The following KIAA1217 variants were observed in gnomAD, a reference collection of about 807,000 sequenced individuals.
The protein encoded by KIAA1217 is KIAA1217.
KIAA1217 carries 88 observed loss-of-function variants against 163.9 expected under a neutral mutation model. That is an observed-to-expected ratio of 0.54 (90% CI 0.45 to 0.64). KIAA1217 has a LOEUF of 0.64. Ranked by LOEUF, KIAA1217 falls within the 30% of genes least tolerant of loss-of-function variation. The probability of loss-of-function intolerance (pLI) is 0.00; values close to 1 mark genes in which losing one functional copy is unlikely to be tolerated. For missense variants in KIAA1217, 2,372 were observed against 2,475.0 expected, an observed-to-expected ratio of 0.96 and a Z score of 0.88; for synonymous variants, 903 against 923.1, an observed-to-expected ratio of 0.98 and a Z score of 0.39.
chr10:23,748,458 A>G (rs1014035534), intron 1 of KIAA1217, among the ~76,000 whole-genome samples: 3 of 137,268 alleles, frequency 2.2e-5, no homozygotes, highest in African/African-American at 8.6e-5. Context: ...GGAAGGAAGG[A>G]AGCAAGGAAG....
At chr10:24,392,726 ATT>A (rs1348310546) in intron 3 of KIAA1217, among the ~76,000 whole-genome samples, 1 of 152,214 alleles carries the variant, frequency 6.6e-6, no homozygotes, top group Non-Finnish European at 1.5e-5. Context: ...GACATTGGAA[ATT>A]TATGGATTCA....
chr10:23,939,906 A>G (rs1312095053), intron 1 of KIAA1217, among the ~76,000 whole-genome samples: 1 of 150,172 alleles, frequency 6.7e-6, no homozygotes, highest in East Asian at 1.9e-4. Flanking sequence ...ATTAAATATT[A>G]ATATTTACTG....
chr10:24,497,214 C>T (rs1400496796), intron 8 of KIAA1217, among the ~76,000 whole-genome samples: 1 of 152,090 alleles, frequency 6.6e-6, no homozygotes, highest in Admixed American at 6.6e-5. Flanking sequence ...ACTCATCTGG[C>T]CAAGAGTAAA....
At position 24,227,034 on chromosome 10, in the gene KIAA1217, G is replaced by A. The variant is rs941891986; in HGVS notation, c.354+7125G>A. ...AGAATCTACTCTGTGGTTTCAGTTA[G>A]TCTATGTGGATTCTTTTATCTGATG... On this transcript the variant is annotated intron_variant, in intron 2 of 20. Transcript: ENST00000376454. Among the ~76,000 whole-genome samples the A allele has an allele frequency of 2.0e-5, 3 of 152,190 alleles. No individual in the cohort carries two copies. In the East Asian group the frequency reaches 5.8e-4, roughly 29 times the overall value.
intron 2 of KIAA1217, among the ~76,000 whole-genome samples, chr10:24,025,778 A>G (rs1483815151): frequency 6.6e-6 from 1 of 151,818 alleles, no homozygotes; most frequent in African/African-American, 2.4e-5. Flanking sequence ...ACTATTCTAA[A>G]TGGTAATTTT....
In KIAA1217 at chr10:24,303,584, A is replaced by G. The variant is rs117052866; in HGVS notation, c.355-77285A>G. 5.7e-3 allele frequency among the ~76,000 whole-genome samples: 871 copies of G among 152,322 alleles called. 4 individuals are homozygous for G. The highest frequency in any genetic ancestry group is 0.027 in the Middle Eastern group (8 of 294). Reference sequence around the variant, plus strand: ...AGAAACAAGGTTTGTGCCCTCGGCAACTGGAGGAGGATTCCTGATGTCATT... The same window carrying G: ...AGAAACAAGGTTTGTGCCCTCGGCAGCTGGAGGAGGATTCCTGATGTCATT... On this transcript the variant is annotated intron_variant, in intron 2 of 20. Transcript: ENST00000376454.
intron 2 of KIAA1217, among the ~76,000 whole-genome samples, chr10:24,347,538 T>C (rs2047939688): frequency 1.3e-5 from 2 of 152,206 alleles, no homozygotes; most frequent in Non-Finnish European, 2.9e-5. Context: ...GATTAATTGT[T>C]GGGATTATAC....
chr10:24,468,794 A>C (rs907023389), intron 5 of KIAA1217, among the ~76,000 whole-genome samples: 1 of 152,216 alleles, frequency 6.6e-6, no homozygotes, highest in Non-Finnish European at 1.5e-5. Flanking sequence ...TGTTTCCCAC[A>C]TGAATGCCCA....
At chr10:23,822,427 T>A (rs372773344) in intron 1 of KIAA1217, among the ~76,000 whole-genome samples, 27 of 152,320 alleles carry the variant, frequency 1.8e-4, no homozygotes, top group African/African-American at 6.3e-4. Context: ...GAGTGGGAAT[T>A]TGTGCCAATA....
At chr10:23,731,543 G>T (rs1294054799) in intron 1 of KIAA1217, among the ~76,000 whole-genome samples, 2 of 152,136 alleles carry the variant, frequency 1.3e-5, no homozygotes, top group Non-Finnish European at 2.9e-5. Flanking sequence ...GGAGTCTTTT[G>T]AAAGGGCTGG....
chr10:24,484,177 A>AGATATACATATATATT (rs1276885737), intron 6 of KIAA1217, among the ~76,000 whole-genome samples: 1 of 145,854 alleles, frequency 6.9e-6, no homozygotes, highest in Admixed American at 6.9e-5. Flanking sequence ...ATATATATAT[A>AGATATACATATATATT]GATATACATA....
intron 3 of KIAA1217, among the ~76,000 whole-genome samples, chr10:24,403,621 C>A (rs1156852587): frequency 6.6e-6 from 1 of 152,126 alleles, no homozygotes. Flanking sequence ...GGACCAGTAT[C>A]TAGAATATAT....
rs2072856143 is a variant in KIAA1217, at chr10:24,529,871, C to T, written c.3082+1752C>T. Reference sequence around the variant, plus strand: ...GGAGTTTAGTGGCATGATCTTGGCTCCCTGCAACCTCCGCCTCCTGGGTTC... The same window carrying T: ...GGAGTTTAGTGGCATGATCTTGGCTTCCTGCAACCTCCGCCTCCTGGGTTC... On this transcript the variant is annotated intron_variant, in intron 14 of 20. Transcript: ENST00000376454. Among the ~76,000 whole-genome samples, 3 of 149,636 alleles carry T rather than the reference C, an allele frequency of 2.0e-5. No homozygotes were observed. The Admixed American group carries it at 2.0e-4, about 10-fold the overall frequency.
At chr10:24,275,692 G>A in intron 2 of KIAA1217, 1 of 517,120 alleles carries the variant, frequency 1.9e-6, no homozygotes, top group East Asian at 5.9e-5. Context: ...CAAGATTGAT[G>A]CTGTTGGTTT....
chr10:24,473,335 A>G lies in KIAA1217; in HGVS notation c.954A>G (p.Pro318=), dbSNP rs61735608. ...HAIPNSPPST[P]VPHSMPPSPS... is the part of the protein sequence containing the mutation. ...TTCCAAATTCCCCACCGTCTACTCC[A>G]GTGCCCCATTCCATGCCCCCCTCCC... Residue 318 remains proline, a synonymous_variant, in exon 6 of 21, where the codon CCA becomes CCG. Coordinates refer to ENST00000376454, the MANE Select transcript of KIAA1217 (RefSeq NM_019590.5). The G allele has an allele frequency of 1.2e-3, 1,973 of 1,591,450 alleles. 22 individuals carry two copies. In the African/African-American group the frequency reaches 0.022, roughly 17 times the overall value.
At chr10:23,729,027 C>G (rs891750955) in intron 1 of KIAA1217, among the ~76,000 whole-genome samples, 5 of 152,176 alleles carry the variant, frequency 3.3e-5, no homozygotes, top group African/African-American at 4.8e-5. Flanking sequence ...TTCAGAATGT[C>G]ATACAGTTTG....
chr10:23,717,404 T>C (rs1328766604), intron 1 of KIAA1217, among the ~76,000 whole-genome samples: 2 of 152,162 alleles, frequency 1.3e-5, no homozygotes, highest in African/African-American at 4.8e-5. Flanking sequence ...GTCTAATTTA[T>C]GCATCACTAT....
At chr10:23,909,546 A>G (rs1842338732) in intron 1 of KIAA1217, among the ~76,000 whole-genome samples, 1 of 152,018 alleles carries the variant, frequency 6.6e-6, no homozygotes, top group South Asian at 2.1e-4. Flanking sequence ...AAAAAGAAAA[A>G]TGAAAGTCGT....
At chr10:23,712,614 C>T (rs537600136) in intron 1 of KIAA1217, among the ~76,000 whole-genome samples, 91 of 152,078 alleles carry the variant, frequency 6.0e-4, no homozygotes, top group African/African-American at 2.2e-3. Context: ...AAGCTTTTGA[C>T]AAATAATTTA....
Sources: allele counts gnomAD v4.1 joint callset (sites outside exome capture counted in the v4.1 genomes callset), GRCh38; gene constraint gnomAD v4.1.1; transcripts MANE v1.5; gene names NCBI Gene and HGNC (gene_info 2026-07-23, HGNC 2026-07-21).